Variants in CD8B2 observed in about 807,000 individuals in gnomAD.
CD8B2 encodes the protein CD8B family member 2, also known as T-cell surface glycoprotein CD8 beta-2 chain.
In CD8B2, 11 loss-of-function variants were observed where a neutral mutation model predicts 23.7. The ratio of observed to expected loss-of-function variants is 0.46; its 90% CI spans 0.29 to 0.77. The LOEUF (loss-of-function observed/expected upper bound fraction) is 0.77. Ranked by LOEUF, CD8B2 falls within the 30% of genes least tolerant of loss-of-function variation. The pLI, the probability that CD8B2 is intolerant of heterozygous loss-of-function variation, is 0.09. For synonymous variants in CD8B2, 90 were observed against 109.3 expected, an observed-to-expected ratio of 0.82 and a Z score of 1.10; for missense variants, 197 against 270.5, an observed-to-expected ratio of 0.73 and a Z score of 1.91.
chr2:106,530,693 T>C (rs373966824), intron 5 of CD8B2, among the ~76,000 whole-genome samples: 1 of 152,140 alleles, frequency 6.6e-6, no homozygotes, highest in East Asian at 1.9e-4. Context: ...TAGGCTGCAT[T>C]CCCAGATGGT....
rs569521124 is a variant in CD8B2 at position 106,508,752 on chromosome 2, C to G, written c.*1812C>G. On this transcript the variant is annotated 3_prime_UTR_variant, in exon 6 of 6. Coordinates refer to ENST00000643224, the MANE Select transcript of CD8B2 (RefSeq NM_001349727.2). ...AATGAAAGGCTGAGGTGAATTGACG[C>G]CCTATGCGGATGAAGGGATGGCCCG... 3 of 152,138 alleles carry G rather than the reference C, an allele frequency of 2.0e-5. No homozygotes were observed. Among genetic ancestry groups the G allele is most frequent in the African/African-American group, 7.2e-5 (3 of 41,420 alleles). The allele number at this position is 152,138 out of a possible 1,614,324, so 9.4% of individuals were successfully genotyped here.
chr2:106,540,318 C>A (rs1186672331), intron 5 of CD8B2, among the ~76,000 whole-genome samples: 1 of 152,104 alleles, frequency 6.6e-6, no homozygotes, highest in East Asian at 1.9e-4. Context: ...ATTTAAAAAG[C>A]TTTTCAACAT....
chr2:106,508,376 G>A lies in CD8B2; in HGVS notation c.*1436G>A, dbSNP rs1211275199. On this transcript the variant is annotated 3_prime_UTR_variant, in exon 6 of 6. Transcript: ENST00000643224. Reference sequence around the variant, plus strand: ...AAAGGAAAGACGACTCTGGGGAAGGGGCAGTGGGACCTTCTCCTGGCATCT... The same window carrying A: ...AAAGGAAAGACGACTCTGGGGAAGGAGCAGTGGGACCTTCTCCTGGCATCT... 2 of 151,752 alleles carry A rather than the reference G, an allele frequency of 1.3e-5. No homozygotes were observed. The highest frequency in any genetic ancestry group is 2.9e-5 in the Non-Finnish European group (2 of 67,958). The allele number at this position is 151,752 out of a possible 1,614,324, so 9.4% of individuals were successfully genotyped here.
chr2:106,494,921 CCAAATATGA>C (rs1679268845), intron 2 of CD8B2, among the ~76,000 whole-genome samples: 2 of 152,246 alleles, frequency 1.3e-5, no homozygotes, highest in Admixed American at 1.3e-4. Flanking sequence ...AAACCAATCC[CCAAATATGA>C]CACATGCGTG....
chr2:106,526,510 A>G lies in CD8B2; in HGVS notation c.621-17482A>G, dbSNP rs75064661. 5.8e-3 allele frequency among the ~76,000 whole-genome samples: 886 copies of G among 152,318 alleles called. 5 individuals carry two copies. The highest frequency in any genetic ancestry group is 0.01 in the Middle Eastern group (3 of 292). On this transcript the variant is annotated intron_variant, in intron 5 of 5. Coordinates refer to the CD8B2 transcript ENST00000416057. The stretch of plus-strand genomic sequence containing the variant: ...GTAGACATTTCATGTAAATGTAGTC[A>G]TACACTATGTGGACTTCAGTGACTG...
chr2:106,529,381 G>A (rs1354966103), intron 5 of CD8B2, among the ~76,000 whole-genome samples: 1 of 151,774 alleles, frequency 6.6e-6, no homozygotes, highest in Non-Finnish European at 1.5e-5. Context: ...TCCCCTTAAT[G>A]AGCATTTCTC....
intron 4 of CD8B2, among the ~76,000 whole-genome samples, chr2:106,503,366 G>T (rs1348872279): frequency 4.6e-5 from 7 of 151,720 alleles, no homozygotes; most frequent in Non-Finnish European, 7.4e-5. Context: ...TGAAAATAAC[G>T]GACCTCTCCC....
chr2:106,541,782 G>A (rs926904148), intron 5 of CD8B2, among the ~76,000 whole-genome samples: 2 of 152,206 alleles, frequency 1.3e-5, no homozygotes, highest in Non-Finnish European at 2.9e-5. Context: ...GCAGGTTGCA[G>A]TTTAAAAAGT....
chr2:106,528,327 T>C (rs914236328), intron 5 of CD8B2, among the ~76,000 whole-genome samples: 2 of 152,216 alleles, frequency 1.3e-5, no homozygotes, highest in Admixed American at 6.5e-5. Context: ...TGAAGATCTA[T>C]GTATTCCTCT....
At chr2:106,521,932 G>A (rs12991961) in intron 5 of CD8B2, 24,536 of 152,314 alleles carry the variant, frequency 0.16, 2,087 homozygotes, top group African/African-American at 0.19. Context: ...GGGCCTGGGG[G>A]TCTGCACTTC....
downstream of CD8B2, among the ~76,000 whole-genome samples, chr2:106,514,636 T>C (rs1679698890): frequency 6.6e-6 from 1 of 151,768 alleles, no homozygotes; most frequent in Non-Finnish European, 1.5e-5. Context: ...CATACAGGGC[T>C]GTTCAATGGA....
chr2:106,523,153 G>A (rs1003830320), intron 5 of CD8B2, among the ~76,000 whole-genome samples: 13 of 152,156 alleles, frequency 8.5e-5, no homozygotes, highest in African/African-American at 2.2e-4. Flanking sequence ...AAAATTCCCC[G>A]AACACAGAAC....
chr2:106,492,781 A>G (rs1679218852), intron 2 of CD8B2, among the ~76,000 whole-genome samples: 1 of 152,200 alleles, frequency 6.6e-6, no homozygotes. Context: ...GACACAAACC[A>G]AAGTGATGCC....
intron 3 of CD8B2, among the ~76,000 whole-genome samples, chr2:106,501,510 C>T (rs982632628): frequency 2.0e-5 from 3 of 151,886 alleles, no homozygotes; most frequent in Non-Finnish European, 4.4e-5. Flanking sequence ...GGTGAAACCC[C>T]ATCTCTACTA....
Position 106,504,454 on chromosome 2 carries a change from G to A in CD8B2, c.620+129G>A, listed in dbSNP as rs963336327. ...ATCATAGACTCGGCCGGGCGTGGTA[G>A]TGCACACCTGTAGTCACAGCTACTC... On this transcript the variant is annotated intron_variant, in intron 5 of 5. Coordinates refer to ENST00000643224, the MANE Select transcript of CD8B2 (RefSeq NM_001349727.2). 3.3e-6 allele frequency: 5 copies of A among 1,526,110 alleles called. No individual in the cohort carries two copies. In the African/African-American group the frequency reaches 6.9e-5, roughly 21 times the overall value. 94.5% of individuals were successfully genotyped at this position (1,526,110 alleles called of 1,614,324 possible). A position where few individuals can be genotyped will look rare whatever the true frequency, so the allele number is the denominator to read the frequency against.
chr2:106,498,996 G>A (rs1006990998), intron 3 of CD8B2, among the ~76,000 whole-genome samples: 28 of 152,176 alleles, frequency 1.8e-4, no homozygotes, highest in Admixed American at 9.8e-4. Context: ...AGTAAGATGA[G>A]GAAGGCTGGG....
At position 106,509,584 on chromosome 2, in the gene CD8B2, G is replaced by T. The variant is rs754732250; in HGVS notation, c.*2644G>T. ...TGGGGTTGGGCTGGGGGCAGGGGTGGTTTGTGCTCCTCCGTCAGTTTTCTG... is the reference window on the plus strand; with the variant it reads ...TGGGGTTGGGCTGGGGGCAGGGGTGTTTTGTGCTCCTCCGTCAGTTTTCTG... On this transcript the variant is annotated 3_prime_UTR_variant, in exon 6 of 6. Transcript: ENST00000643224. 9.2e-5 allele frequency: 14 copies of T among 151,946 alleles called. No individual in the cohort carries two copies. Among genetic ancestry groups the T allele is most frequent in the African/African-American group, 3.4e-4 (14 of 41,322 alleles). The allele number at this position is 151,946 out of a possible 1,614,324, so 9.4% of individuals were successfully genotyped here.
chr2:106,492,084 G>A (rs559669423), intron 2 of CD8B2, among the ~76,000 whole-genome samples: 5 of 152,176 alleles, frequency 3.3e-5, no homozygotes, highest in Admixed American at 1.3e-4. Flanking sequence ...CCTACAGCTC[G>A]AATTCATACC....
chr2:106,509,711 C>T lies in CD8B2; in HGVS notation c.*2771C>T, dbSNP rs1679585793. The stretch of plus-strand genomic sequence containing the variant: ...GGGCTGCAGTGAGAAGGTCTGCACC[C>T]AGCACCTGACCTTTGTTTGAAGAAG... On this transcript the variant is annotated 3_prime_UTR_variant, in exon 6 of 6. Transcript: ENST00000643224. 1 of 152,078 alleles carries T rather than the reference C, an allele frequency of 6.6e-6. No homozygotes were observed. Among genetic ancestry groups the T allele is most frequent in the Non-Finnish European group, 1.5e-5 (1 of 68,008 alleles). The allele number at this position is 152,078 out of a possible 1,614,324, so 9.4% of individuals were successfully genotyped here. A position where few individuals can be genotyped will look rare whatever the true frequency, so the allele number is the denominator to read the frequency against.
Sources: gnomAD v4.1 joint callset for allele counts (sites outside exome capture counted in the v4.1 genomes callset) on GRCh38, gnomAD v4.1.1 for gene constraint, MANE v1.5 for transcripts, NCBI Gene and HGNC (gene_info 2026-07-23, HGNC 2026-07-21) for gene names.